The following SMURF2 variants were observed in gnomAD, a reference collection of about 807,000 sequenced individuals.
SMURF2 encodes the protein E3 ubiquitin-protein ligase SMURF2.
Under a neutral mutation model 109.6 loss-of-function variants are expected in SMURF2, and 48 were observed. That is an observed-to-expected ratio of 0.44 (90% CI 0.35 to 0.56). The LOEUF (loss-of-function observed/expected upper bound fraction) is 0.56. Among genes scored for constraint, SMURF2 ranks in the 20% least tolerant of loss-of-function variants. SMURF2 has a pLI of 0.01. For missense variants in SMURF2, 575 were observed against 909.0 expected (o/e 0.63, Z 4.72); for synonymous variants, 288 against 317.1 (o/e 0.91, Z 0.97).
intron 1 of SMURF2, among the ~76,000 whole-genome samples, chr17:64,607,132 G>A (rs1238196148): frequency 6.6e-6 from 1 of 150,400 alleles, no homozygotes; most frequent in African/African-American, 2.5e-5. Context: ...AACTTCATGG[G>A]AGAAATCAAA....
intron 1 of SMURF2, among the ~76,000 whole-genome samples, chr17:64,626,553 AG>A (rs1186974283): frequency 6.6e-6 from 1 of 152,164 alleles, no homozygotes; most frequent in African/African-American, 2.4e-5. Context: ...ATTTGAGGTC[AG>A]GAGTTCAAGA....
In SMURF2 at chr17:64,578,966, G is replaced by A. The variant is rs916453536; in HGVS notation, c.773-390C>T. Among the ~76,000 whole-genome samples the A allele has an allele frequency of 2.0e-5, 3 of 152,190 alleles. No homozygotes were observed. In the South Asian group the frequency reaches 6.2e-4, roughly 32 times the overall value. ...CTTCCAGAAATTTTCAAAGAGTCTG[G>A]AGGTTGATAATGCTTATTATGCCTA... On this transcript the variant is annotated intron_variant, in intron 8 of 18. Transcript: ENST00000262435.
At chr17:64,584,318 CAA>C (rs368630194) in intron 6 of SMURF2, among the ~76,000 whole-genome samples, 1 of 71,844 alleles carries the variant, frequency 1.4e-5, no homozygotes. Context: ...AACTCCTTCT[CAA>C]AAAAAAAAAA....
Position 64,581,049 on chromosome 17 carries a change from TC to T in SMURF2, c.570-59del. The T allele has an allele frequency of 6.8e-7, 1 of 1,473,416 alleles. No homozygotes were observed. Among genetic ancestry groups the T allele is most frequent in the Non-Finnish European group, 9.5e-7 (1 of 1,055,724 alleles). 91.3% of individuals were successfully genotyped at this position (1,473,416 alleles called of 1,614,324 possible). A position where few individuals can be genotyped will look rare whatever the true frequency, so the allele number is the denominator to read the frequency against. ...AATTTAGATATCAAAAGTAGAGTTC[TC>T]TAGACAATATATATATACTGCAGTA... On this transcript the variant is annotated intron_variant, in intron 7 of 18. Transcript: ENST00000262435. The surrounding 1 kb of genome is among the most constrained non-coding windows in gnomAD (Gnocchi z 4.3).
At position 64,547,728 on chromosome 17, in the gene SMURF2, G is replaced by A; in HGVS notation, c.1943C>T (p.Pro648Leu). Reference sequence around the variant, plus strand: ...GAACCATTTGACAATGTTGCTGTCTGGTGTACAGTGTTTTAACCGGGTGTT... The same window carrying A: ...GAACCATTTGACAATGTTGCTGTCTAGTGTACAGTGTTTTAACCGGGTGTT... ...KVNTRLKHCT[P>L]DSNIVKWFWK... The change falls in exon 17 of 19, where the codon CCA (proline) becomes CTA (leucine). Residue 648 changes from proline to leucine, a missense_variant. This residue lies in a region of SMURF2 where 361 missense variants were observed against 612.1 expected (regional missense o/e 0.59). Coordinates refer to ENST00000262435, the MANE Select transcript of SMURF2 (RefSeq NM_022739.4). The surrounding 1 kb of genome is among the most constrained non-coding windows in gnomAD (Gnocchi z 4.2). 2 of 1,614,156 alleles carry A rather than the reference G, an allele frequency of 1.2e-6. No individual in the cohort carries two copies. Among genetic ancestry groups the A allele is most frequent in the Non-Finnish European group, 1.7e-6 (2 of 1,180,024 alleles).
At chr17:64,613,063 T>C (rs1263475055) in intron 1 of SMURF2, among the ~76,000 whole-genome samples, 2 of 152,212 alleles carry the variant, frequency 1.3e-5, no homozygotes, top group African/African-American at 2.4e-5. Flanking sequence ...AAAAGGAAGA[T>C]TGTCAAAACA....
In SMURF2 at chr17:64,562,782, C is replaced by T; in HGVS notation, c.1201G>A (p.Glu401Lys). Residue 401 changes from glutamate (E) to lysine (K), a missense_variant, in exon 11 of 19, where the codon GAG becomes AAG. Physicochemically the swap from Glu to Lys is moderately conservative, Grantham distance 56. Coordinates refer to ENST00000262435, the MANE Select transcript of SMURF2 (RefSeq NM_022739.4). ...GCTCGTAAATTTACCTCAAAAATCT[C>T]TTCCCTGGAAACCTCAATGCGGCAA... ...GHCRIEVSRE[E>K]IFEESYRQVM... The T allele has an allele frequency of 6.2e-7, 1 of 1,611,958 alleles. No homozygotes were observed. The highest frequency in any genetic ancestry group is 1.1e-5 in the South Asian group (1 of 90,682).
chr17:64,586,764 A>AG (rs1440425591), intron 5 of SMURF2, among the ~76,000 whole-genome samples: 1 of 151,436 alleles, frequency 6.6e-6, no homozygotes, highest in East Asian at 1.9e-4. Flanking sequence ...AAAAAAAAAA[A>AG]AAAAAAAAAA....
intron 6 of SMURF2, 70 bp downstream of exon 6, chr17:64,586,016 C>T: frequency 1.0e-6 from 1 of 959,750 alleles, no homozygotes; most frequent in South Asian, 1.8e-5. Flanking sequence ...CAATAAACAC[C>T]CACTTATTTC....
At chr17:64,559,390 T>C (rs895603217) in intron 12 of SMURF2, among the ~76,000 whole-genome samples, 23 of 151,954 alleles carry the variant, frequency 1.5e-4, no homozygotes, top group Admixed American at 1.3e-3. Context: ...GGTCAGGAGA[T>C]TGAGACCAGC....
At chr17:64,590,961 C>T in intron 5 of SMURF2, 123 bp downstream of exon 5, 3 of 543,150 alleles carry the variant, frequency 5.5e-6, no homozygotes, top group Admixed American at 3.5e-5. Context: ...AACATTTTAC[C>T]TGGCTCATTT....
rs142183935 is a variant in SMURF2 at position 64,591,087 on chromosome 17, C to T, written c.397G>A (p.Val133Ile). ...NDNDTVRGQI[V>I]VSLQSRDRIG... ...TAACTTTAAATTCCACACTTACCTA[C>T]TATCTGTCCTCTAACTGTATCATTG... Residue 133 changes from valine (V) to isoleucine (I), a missense_variant, in exon 5 of 19, where the codon GTA (valine) becomes ATA (isoleucine). Physicochemically the swap from Val to Ile is conservative, Grantham distance 29. Around this residue, in one of 5 missense-constraint regions of SMURF2, gnomAD observed 151 missense variants for 178.4 expected, o/e 0.85. Transcript: ENST00000262435. 2 of 1,611,436 alleles carry T rather than the reference C, an allele frequency of 1.2e-6. No homozygotes were observed. The highest frequency in any genetic ancestry group is 2.2e-5 in the East Asian group (1 of 44,726).
intron 13 of SMURF2, 91 bp downstream of exon 13, chr17:64,557,517 G>C: frequency 1.1e-6 from 1 of 902,562 alleles, no homozygotes; most frequent in Middle Eastern, 3.1e-4. Flanking sequence ...ACTAAGACAA[G>C]GACAAATAAT....
intron 1 of SMURF2, among the ~76,000 whole-genome samples, chr17:64,634,922 A>G (rs1970395779): frequency 6.6e-6 from 1 of 152,228 alleles, no homozygotes; most frequent in Non-Finnish European, 1.5e-5. Flanking sequence ...TTAGAATGAG[A>G]AAATAAATCA....
At chr17:64,552,159 A>T (rs1969054488) in intron 15 of SMURF2, among the ~76,000 whole-genome samples, 1 of 152,196 alleles carries the variant, frequency 6.6e-6, no homozygotes, top group African/African-American at 2.4e-5. Flanking sequence ...AAGAGGAGGT[A>T]GAGAATCCTC....
intron 1 of SMURF2, among the ~76,000 whole-genome samples, chr17:64,616,132 G>C (rs1970117687): frequency 6.6e-6 from 1 of 152,038 alleles, no homozygotes; most frequent in South Asian, 2.1e-4. Context: ...ACCCGGCTTA[G>C]AAAATATTTT....
At chr17:64,570,804 AAG>A (rs2144620141) in intron 10 of SMURF2, among the ~76,000 whole-genome samples, 1 of 152,302 alleles carries the variant, frequency 6.6e-6, no homozygotes, top group Non-Finnish European at 1.5e-5. Flanking sequence ...TTTTAAAGAC[AAG>A]AGTCTCACTC....
intron 5 of SMURF2, among the ~76,000 whole-genome samples, chr17:64,588,067 T>G (rs1324012190): frequency 8.2e-6 from 1 of 122,240 alleles, no homozygotes; most frequent in Non-Finnish European, 1.7e-5. Context: ...CAAGTAACAA[T>G]GCTATAGAAA....
chr17:64,555,869 C>T lies in SMURF2; in HGVS notation c.1561G>A (p.Asp521Asn). The T allele has an allele frequency of 6.2e-7, 1 of 1,613,222 alleles. No individual in the cohort carries two copies. The highest frequency in any genetic ancestry group is 8.5e-7 in the Non-Finnish European group (1 of 1,179,546). ...AGATCCGGATCTACTAACTCCATGTCATCCAAGGTAATTGACTTCCCAAGC... is the reference window on the plus strand; with the variant it reads ...AGATCCGGATCTACTAACTCCATGTTATCCAAGGTAATTGACTTCCCAAGC... ...QLLGKSITLD[D>N]MELVDPDLHN... Residue 521 changes from aspartate (D) to asparagine (N), a missense_variant, in exon 14 of 19, where the codon GAC becomes AAC. Around this residue, in one of 5 missense-constraint regions of SMURF2, gnomAD observed 361 missense variants for 612.1 expected, o/e 0.59. Transcript: ENST00000262435.
Sources: allele counts gnomAD v4.1 joint callset (sites outside exome capture counted in the v4.1 genomes callset), GRCh38; gene constraint gnomAD v4.1.1; regional missense constraint gnomAD v4.1.1; non-coding constraint Gnocchi (gnomAD v3.1); transcripts MANE v1.5; gene names NCBI Gene and HGNC (gene_info 2026-07-23, HGNC 2026-07-21).